Variants in PUM1 observed in about 807,000 individuals in gnomAD.
The protein encoded by PUM1 is pumilio homolog 1.
Under a neutral mutation model 131.8 loss-of-function variants are expected in PUM1, and 13 were observed. The observed-to-expected ratio is 0.10, with a 90% CI of 0.06 to 0.16. PUM1 has a LOEUF of 0.16. Among genes scored for constraint, PUM1 ranks in the 10% least tolerant of loss-of-function variants. The probability of loss-of-function intolerance (pLI) is 1.00; values close to 1 mark genes in which losing one functional copy is unlikely to be tolerated. For missense variants in PUM1, 961 were observed against 1,512.4 expected, an observed-to-expected ratio of 0.64 and a Z score of 6.05; for synonymous variants, 509 against 556.5, an observed-to-expected ratio of 0.91 and a Z score of 1.20.
chr1:30,992,922 C>T (rs767312467), intron 6 of PUM1, among the ~76,000 whole-genome samples: 3 of 152,104 alleles, frequency 2.0e-5, no homozygotes, highest in African/African-American at 7.2e-5. Flanking sequence ...CCAAGGGGGC[C>T]GGGTTTGAGG....
chr1:30,989,642 G>A (rs1247427887), intron 7 of PUM1, among the ~76,000 whole-genome samples: 1 of 142,286 alleles, frequency 7.0e-6, no homozygotes, highest in Non-Finnish European at 1.5e-5. Flanking sequence ...CAAGAGACCA[G>A]AGTACACTCT....
intron 19 of PUM1, 191 bp downstream of exon 19, chr1:30,941,806 GC>G (rs1215125005): frequency 7.3e-6 from 4 of 544,852 alleles, no homozygotes; most frequent in African/African-American, 1.9e-5. Context: ...TGACTCCAGG[GC>G]TAGGGCTCAA....
chr1:31,055,757 G>GC (rs1207669902), intron 2 of PUM1, among the ~76,000 whole-genome samples: 2 of 152,166 alleles, frequency 1.3e-5, no homozygotes, highest in Non-Finnish European at 2.9e-5. Flanking sequence ...GCCTGAGTAA[G>GC]CCTTCAATAA....
chr1:30,995,666 T>C (rs1570234331), intron 5 of PUM1, among the ~76,000 whole-genome samples: 1 of 152,174 alleles, frequency 6.6e-6, no homozygotes, highest in East Asian at 1.9e-4. Flanking sequence ...TAAAAAGAAT[T>C]TCATACTTCT....
intron 2 of PUM1, among the ~76,000 whole-genome samples, chr1:31,053,074 G>A (rs1388249212): frequency 2.7e-5 from 4 of 149,960 alleles, no homozygotes; most frequent in African/African-American, 7.4e-5. Flanking sequence ...ATGCAGTGGC[G>A]GGATCTCGGC....
In PUM1 at chr1:30,969,929, T is replaced by C. The variant is rs536584959; in HGVS notation, c.1507-1437A>G. 5.8e-4 allele frequency among the ~76,000 whole-genome samples: 89 copies of C among 152,316 alleles called. 1 individual carries two copies. The highest frequency in any genetic ancestry group is 2.0e-3 in the African/African-American group (85 of 41,574). ...CCACCTGCCTTGGCCTGCCAAAGTG[T>C]TGGGATTACAAGTGTGAAGCCACTG... On this transcript the variant is annotated intron_variant, in intron 10 of 21. Coordinates refer to ENST00000426105, the MANE Select transcript of PUM1 (RefSeq NM_001020658.2).
At chr1:31,024,037 G>A (rs1643134219) in intron 3 of PUM1, among the ~76,000 whole-genome samples, 1 of 151,780 alleles carries the variant, frequency 6.6e-6, no homozygotes, top group Non-Finnish European at 1.5e-5. Flanking sequence ...TCCTAAAAAG[G>A]CCAGAACAAT....
intron 11 of PUM1, among the ~76,000 whole-genome samples, chr1:30,968,008 G>A (rs1474615363): frequency 1.3e-5 from 2 of 152,156 alleles, no homozygotes; most frequent in African/African-American, 2.4e-5. Context: ...CACTAATCAT[G>A]CTGTTCAAAA....
At chr1:31,011,706 A>G (rs1484105816) in intron 3 of PUM1, among the ~76,000 whole-genome samples, 2 of 152,210 alleles carry the variant, frequency 1.3e-5, no homozygotes, top group South Asian at 2.1e-4. Context: ...CACTTAACAC[A>G]CAATAACCAA....
chr1:30,964,090 A>T (rs190824071), intron 14 of PUM1, among the ~76,000 whole-genome samples: 15 of 152,182 alleles, frequency 9.9e-5, no homozygotes, highest in Non-Finnish European at 1.6e-4. Flanking sequence ...TCTAGATGGT[A>T]ATATTTTAAA....
At chr1:30,955,920 T>C (rs1469736860) in intron 14 of PUM1, among the ~76,000 whole-genome samples, 2 of 152,256 alleles carry the variant, frequency 1.3e-5, no homozygotes, top group Non-Finnish European at 2.9e-5. Flanking sequence ...GTTTTTCATA[T>C]ACACTTTCTC....
chr1:30,944,429 C>T (rs910646748), intron 18 of PUM1, among the ~76,000 whole-genome samples: 2 of 151,930 alleles, frequency 1.3e-5, no homozygotes, highest in African/African-American at 4.8e-5. Flanking sequence ...CAAAAAAACA[C>T]AAAACTATAG....
chr1:30,947,458 G>A (rs758630889), intron 17 of PUM1, among the ~76,000 whole-genome samples: 12 of 152,052 alleles, frequency 7.9e-5, no homozygotes, highest in Non-Finnish European at 1.6e-4. Context: ...TAAATGAAAT[G>A]GCCAGAAACT....
intron 3 of PUM1, 29 bp downstream of exon 3, chr1:31,028,767 C>G (rs927567462): frequency 6.3e-7 from 1 of 1,577,370 alleles, no homozygotes; most frequent in Non-Finnish European, 8.7e-7. Flanking sequence ...AAAAACAGAC[C>G]CACTTTTCTG....
At chr1:30,941,878 G>C in intron 19 of PUM1, 120 bp downstream of exon 19, 1 of 1,103,056 alleles carries the variant, frequency 9.1e-7, no homozygotes, top group South Asian at 1.2e-5. Flanking sequence ...ACAACCACAA[G>C]ATTCAAGGGT....
intron 10 of PUM1, among the ~76,000 whole-genome samples, chr1:30,969,415 G>A (rs1640781734): frequency 6.6e-6 from 1 of 150,572 alleles, no homozygotes; most frequent in Non-Finnish European, 1.5e-5. Context: ...CACATTTAAA[G>A]TCAACTGAGT....
At chr1:31,001,371 C>CAA (rs11341741) in intron 5 of PUM1, among the ~76,000 whole-genome samples, 6 of 144,220 alleles carry the variant, frequency 4.2e-5, no homozygotes, top group African/African-American at 1.5e-4. Flanking sequence ...GAGATTGTCT[C>CAA]AAAAAAAAAA....
At chr1:30,990,893 T>C (rs1190131770) in intron 7 of PUM1, among the ~76,000 whole-genome samples, 2 of 152,246 alleles carry the variant, frequency 1.3e-5, no homozygotes, top group African/African-American at 2.4e-5. Flanking sequence ...TTTTATATTT[T>C]TGAATAAGTG....
intron 7 of PUM1, among the ~76,000 whole-genome samples, chr1:30,984,966 G>T (rs1364593449): frequency 6.6e-6 from 1 of 151,968 alleles, no homozygotes; most frequent in African/African-American, 2.4e-5. Flanking sequence ...TGCCAGCCCT[G>T]ACTTTTTTAC....
Sources: gnomAD v4.1 joint callset for allele counts (sites outside exome capture counted in the v4.1 genomes callset) on GRCh38, gnomAD v4.1.1 for gene constraint, MANE v1.5 for transcripts, NCBI Gene and HGNC (gene_info 2026-07-23, HGNC 2026-07-21) for gene names.